The following TMEM132D variants were observed in gnomAD, a reference collection of about 807,000 sequenced individuals.
The protein encoded by TMEM132D is transmembrane protein 132D.
A neutral mutation model predicts 62.3 loss-of-function variants in TMEM132D; 21 were observed. That is an observed-to-expected ratio of 0.34 (90% confidence interval 0.24 to 0.49). The LOEUF (loss-of-function observed/expected upper bound fraction) is 0.49, where lower values mean the gene tolerates loss of function less well. Among genes scored for constraint, TMEM132D ranks in the 20% least tolerant of loss-of-function variants. TMEM132D has a pLI of 0.99. For missense variants in TMEM132D, 1,346 were observed against 1,402.8 expected (o/e 0.96, Z 0.65); for synonymous variants, 621 against 575.6 (o/e 1.08, Z -1.13).
At chr12:129,279,542 T>TAAGGAAATCAAAAAATCAAAAAA (rs1451134640) in intron 4 of TMEM132D, among the ~76,000 whole-genome samples, 1 of 151,894 alleles carries the variant, frequency 6.6e-6, no homozygotes. Flanking sequence ...TTGATTTCCT[T>TAAGGAAATCAAAAAATCAAAAAA]AACTTGATTT....
rs115451310 is a variant in TMEM132D, at chr12:129,081,819, G to A, written c.1863C>T (p.Ile621=). 18 of 1,612,840 alleles carry A rather than the reference G, an allele frequency of 1.1e-5. No homozygotes were observed. Among genetic ancestry groups the A allele is most frequent in the African/African-American group, 2.7e-5 (2 of 74,516 alleles). Residue 621 remains isoleucine (I), a synonymous_variant, in exon 7 of 9, where the codon ATC becomes ATT. Transcript: ENST00000422113. The part of the protein sequence containing the change: ...NDFMQVEEPR[I]AKLQGGQILM... Reference sequence around the variant, plus strand: ...GGATCTGTCCGCCTTGCAGCTTGGCGATCCTGGGCTCCTCCACCTGCATGA... The same window carrying A: ...GGATCTGTCCGCCTTGCAGCTTGGCAATCCTGGGCTCCTCCACCTGCATGA...
At position 129,444,048 on chromosome 12, in the gene TMEM132D, G is replaced by A. The variant is rs150137195; in HGVS notation, c.1115+87011C>T. ...CCCAATAAATGATGCTGGGATAACTGGCTAGCCATATGCAGAAAATTGAAA... is the reference window on the plus strand; with the variant it reads ...CCCAATAAATGATGCTGGGATAACTAGCTAGCCATATGCAGAAAATTGAAA... On this transcript the variant is annotated intron_variant, in intron 3 of 8. Transcript: ENST00000422113. Among the ~76,000 whole-genome samples, 686 of 152,198 alleles carry A rather than the reference G, an allele frequency of 4.5e-3. 5 individuals carry two copies. Among genetic ancestry groups the A allele is most frequent in the African/African-American group, 0.016 (657 of 41,508 alleles).
At chr12:129,315,161 C>A (rs192702433) in intron 4 of TMEM132D, among the ~76,000 whole-genome samples, 1 of 152,070 alleles carries the variant, frequency 6.6e-6, no homozygotes, top group Non-Finnish European at 1.5e-5. Context: ...ATTGCTCTGG[C>A]CAGGATTTGC....
intron 1 of TMEM132D, among the ~76,000 whole-genome samples, chr12:129,843,635 G>A (rs1873268405): frequency 6.6e-6 from 1 of 152,148 alleles, no homozygotes; most frequent in Admixed American, 6.5e-5. Context: ...AGGCAGGAAG[G>A]GACCTTCACA....
At chr12:129,264,181 G>C (rs1043614382) in intron 4 of TMEM132D, among the ~76,000 whole-genome samples, 1 of 152,162 alleles carries the variant, frequency 6.6e-6, no homozygotes, top group Admixed American at 6.5e-5. Flanking sequence ...TTGAGGCCAG[G>C]AGTTCGAGAC....
intron 5 of TMEM132D, among the ~76,000 whole-genome samples, chr12:129,119,664 A>G (rs1308819427): frequency 1.3e-4 from 20 of 152,196 alleles, no homozygotes; most frequent in Admixed American, 1.3e-3. Context: ...AAACAAGACT[A>G]CACAGGGTTA....
chr12:129,235,943 G>A (rs1879766962), intron 4 of TMEM132D, among the ~76,000 whole-genome samples: 2 of 151,970 alleles, frequency 1.3e-5, no homozygotes, highest in Admixed American at 6.6e-5. Context: ...TGGGTAGTGT[G>A]GACATTTTAA....
At position 129,729,897 on chromosome 12, in the gene TMEM132D, G is replaced by A. The variant is rs150082426; in HGVS notation, c.80-29199C>T. Reference sequence around the variant, plus strand: ...GGTCAAGCTATCATGACATTCCCCTGCCCTTGTGATAATGTACTTTGTGAT... The same window carrying A: ...GGTCAAGCTATCATGACATTCCCCTACCCTTGTGATAATGTACTTTGTGAT... On this transcript the variant is annotated intron_variant, in intron 1 of 8. Transcript: ENST00000422113. Among the ~76,000 whole-genome samples the A allele has an allele frequency of 2.7e-3, 418 of 152,238 alleles. 4 individuals carry two copies. The highest frequency in any genetic ancestry group is 9.5e-3 in the African/African-American group (395 of 41,528).
At chr12:129,289,566 A>T (rs12316180) in intron 4 of TMEM132D, among the ~76,000 whole-genome samples, 2 of 144,730 alleles carry the variant, frequency 1.4e-5, no homozygotes, top group African/African-American at 5.1e-5. Flanking sequence ...AAAAAAAAAG[A>T]AAAAAAAGAA....
At chr12:129,402,012 T>C (rs1871638678) in intron 3 of TMEM132D, among the ~76,000 whole-genome samples, 1 of 152,222 alleles carries the variant, frequency 6.6e-6, no homozygotes, top group African/African-American at 2.4e-5. Flanking sequence ...ACGTTCTCAG[T>C]GAAGCCTGGC....
At chr12:129,822,371 C>T (rs1262142976) in intron 1 of TMEM132D, among the ~76,000 whole-genome samples, 1 of 152,136 alleles carries the variant, frequency 6.6e-6, no homozygotes, top group Middle Eastern at 3.2e-3. Context: ...GACCACAAAA[C>T]CAGCAAAGGA....
At chr12:129,796,309 A>G (rs1871559160) in intron 1 of TMEM132D, among the ~76,000 whole-genome samples, 1 of 152,258 alleles carries the variant, frequency 6.6e-6, no homozygotes, top group East Asian at 1.9e-4. Flanking sequence ...CCACCTACTC[A>G]TTTGTTCCAA....
intron 3 of TMEM132D, among the ~76,000 whole-genome samples, chr12:129,497,761 G>A (rs1875004682): frequency 1.3e-5 from 2 of 151,966 alleles, no homozygotes; most frequent in Non-Finnish European, 1.5e-5. Flanking sequence ...CCCGACTTAA[G>A]CAATTCTCTC....
chr12:129,335,475 TA>T (rs1325516893), intron 4 of TMEM132D, among the ~76,000 whole-genome samples: 9 of 152,170 alleles, frequency 5.9e-5, no homozygotes, highest in Admixed American at 4.6e-4. Flanking sequence ...CTTACAACTT[TA>T]TAAGTAGGTA....
At chr12:129,362,954 A>C (rs1870293939) in intron 3 of TMEM132D, among the ~76,000 whole-genome samples, 1 of 152,240 alleles carries the variant, frequency 6.6e-6, no homozygotes, top group Non-Finnish European at 1.5e-5. Flanking sequence ...CACATGGTAC[A>C]GCATTTCCCA....
intron 4 of TMEM132D, among the ~76,000 whole-genome samples, chr12:129,264,128 C>T (rs1880624283): frequency 1.3e-5 from 2 of 152,236 alleles, no homozygotes; most frequent in Non-Finnish European, 2.9e-5. Flanking sequence ...ATGGCTCATG[C>T]CTCTAATCCC....
intron 4 of TMEM132D, chr12:129,210,235 C>G (rs1201562264): frequency 6.5e-6 from 1 of 153,790 alleles, no homozygotes; most frequent in African/African-American, 2.4e-5. Flanking sequence ...GTGAAAGAAG[C>G]TTGATGAGCA....
intron 2 of TMEM132D, among the ~76,000 whole-genome samples, chr12:129,676,127 C>T (rs1337204033): frequency 2.0e-5 from 3 of 152,130 alleles, no homozygotes; most frequent in Non-Finnish European, 1.5e-5. Context: ...AAGGAGACCA[C>T]AATGGCCAAA....
intron 1 of TMEM132D, among the ~76,000 whole-genome samples, chr12:129,738,802 C>A (rs1445763538): frequency 6.6e-6 from 1 of 152,158 alleles, no homozygotes; most frequent in Non-Finnish European, 1.5e-5. Context: ...AGGGTCAATG[C>A]CATCTTAATA....
Sources: gnomAD v4.1 joint callset for allele counts (sites outside exome capture counted in the v4.1 genomes callset) on GRCh38, gnomAD v4.1.1 for gene constraint, MANE v1.5 for transcripts, NCBI Gene and HGNC (gene_info 2026-07-23, HGNC 2026-07-21) for gene names.